The following RELCH variants were observed in gnomAD, a reference collection of about 807,000 sequenced individuals.
The protein encoded by RELCH is RAB11 binding and LisH domain, coiled-coil and HEAT repeat containing.
In RELCH, 41 loss-of-function variants were observed where a neutral mutation model predicts 150.3. That is an observed-to-expected ratio of 0.27 (90% CI 0.21 to 0.35). RELCH has a LOEUF of 0.35. Among genes scored for constraint, RELCH ranks in the 10% least tolerant of loss-of-function variants. The probability of loss-of-function intolerance (pLI) is 1.00; values close to 1 mark genes in which losing one functional copy is unlikely to be tolerated. For missense variants in RELCH, 1,092 were observed against 1,467.8 expected (o/e 0.74, Z 4.18); for synonymous variants, 478 against 531.8 (o/e 0.90, Z 1.39).
chr18:62,235,854 T>A (rs1332479182), intron 10 of RELCH, among the ~76,000 whole-genome samples: 1 of 152,022 alleles, frequency 6.6e-6, no homozygotes, highest in Admixed American at 6.6e-5. Flanking sequence ...TTTTTATGGG[T>A]TCTATGAGAT....
At chr18:62,229,404 C>T (rs543725746) in intron 8 of RELCH, among the ~76,000 whole-genome samples, 1 of 151,860 alleles carries the variant, frequency 6.6e-6, no homozygotes, top group East Asian at 1.9e-4. Context: ...TATAGGTTCC[C>T]ATTATTACTA....
At chr18:62,255,254 C>T (rs563035887) in intron 12 of RELCH, among the ~76,000 whole-genome samples, 153 bp from the exon 13 acceptor site, 2 of 152,050 alleles carry the variant, frequency 1.3e-5, no homozygotes, top group African/African-American at 2.4e-5. Flanking sequence ...CCCTCATTCC[C>T]GATCCAGGTA....
chr18:62,242,323 T>C (rs936329493), intron 10 of RELCH, among the ~76,000 whole-genome samples: 2 of 152,134 alleles, frequency 1.3e-5, no homozygotes, highest in Non-Finnish European at 2.9e-5. Context: ...TTCACAGAAA[T>C]TTAGGGTTCA....
In RELCH at chr18:62,269,858, A is replaced by G. The variant is rs549172470; in HGVS notation, c.2760+910A>G. Among the ~76,000 whole-genome samples, 184 of 152,296 alleles carry G rather than the reference A, an allele frequency of 1.2e-3. 1 individual carries two copies. The highest frequency in any genetic ancestry group is 2.1e-3 in the South Asian group (10 of 4,828). On this transcript the variant is annotated intron_variant, in intron 20 of 28. Coordinates refer to ENST00000644646, the MANE Select transcript of RELCH (RefSeq NM_001346231.2). ...ATGATGACAGGCTTTCACACACAGT[A>G]TCAGTTTGGTACTCACAAAGTTTCA...
chr18:62,238,382 C>T (rs976121114), intron 10 of RELCH, among the ~76,000 whole-genome samples: 3 of 151,912 alleles, frequency 2.0e-5, no homozygotes, highest in African/African-American at 7.2e-5. Flanking sequence ...AAACTTGAAT[C>T]TTTTGAGCCA....
intron 27 of RELCH, among the ~76,000 whole-genome samples, chr18:62,294,171 A>G (rs567067565): frequency 3.3e-5 from 5 of 152,314 alleles, no homozygotes; most frequent in Admixed American, 2.6e-4. Flanking sequence ...ACAGAATTAC[A>G]AGCATCTTAT....
chr18:62,200,206 G>A (rs1406605611), intron 1 of RELCH, among the ~76,000 whole-genome samples: 1 of 152,150 alleles, frequency 6.6e-6, no homozygotes, highest in Non-Finnish European at 1.5e-5. Flanking sequence ...CTTCTGGCTT[G>A]CTCACAGATT....
Position 62,221,075 on chromosome 18 carries a change from C to G in RELCH, c.655C>G (p.Gln219Glu). 1 of 1,613,462 alleles carries G rather than the reference C, an allele frequency of 6.2e-7. No individual in the cohort carries two copies. Among genetic ancestry groups the G allele is most frequent in the Non-Finnish European group, 8.5e-7 (1 of 1,179,620 alleles). ...FELRKAKETI[Q>E]ALRANLTKAA... is the part of the protein sequence containing the mutation. ...ACTACGGAAAGCCAAGGAGACCATTCAGGCCCTCCGAGCCAACCTGACAAA... is the reference window on the plus strand; with the variant it reads ...ACTACGGAAAGCCAAGGAGACCATTGAGGCCCTCCGAGCCAACCTGACAAA... The change falls in exon 3 of 29, where the codon CAG (glutamine) becomes GAG (glutamate). Residue 219 changes from glutamine (Q) to glutamate (E), a missense_variant. By Grantham distance (29) the Gln-to-Glu change is conservative. Transcript: ENST00000644646.
At chr18:62,268,642 G>T (rs557553151) in intron 19 of RELCH, 9 of 259,096 alleles carry the variant, frequency 3.5e-5, no homozygotes, top group African/African-American at 1.8e-4. Flanking sequence ...TCTCATTTGG[G>T]TTATTAAAAT....
At chr18:62,256,878 C>T (rs1031819478) in intron 13 of RELCH, among the ~76,000 whole-genome samples, 4 of 151,972 alleles carry the variant, frequency 2.6e-5, no homozygotes, top group Non-Finnish European at 4.4e-5. Context: ...TATTTTAGGG[C>T]AATTTTTAGC....
At position 62,282,384 on chromosome 18, in the gene RELCH, G is replaced by A; in HGVS notation, c.3193G>A (p.Glu1065Lys). The change falls in exon 25 of 29, where the codon GAG becomes AAG. Residue 1065 changes from glutamate to lysine, a missense_variant. By Grantham distance (56) the Glu-to-Lys change is moderately conservative. Coordinates refer to ENST00000644646, the MANE Select transcript of RELCH (RefSeq NM_001346231.2). ...TCAAGACCAACATTCTTTGCATACAGAGATCATAAAAACATTTGGTAGAGT... is the reference window on the plus strand; with the variant it reads ...TCAAGACCAACATTCTTTGCATACAAAGATCATAAAAACATTTGGTAGAGT... ...QYQDQHSLHT[E>K]IIKTFGRVGP... 1 of 1,612,934 alleles carries A rather than the reference G, an allele frequency of 6.2e-7. No individual in the cohort carries two copies. The highest frequency in any genetic ancestry group is 8.5e-7 in the Non-Finnish European group (1 of 1,179,526).
At chr18:62,249,586 A>G (rs1365748715) in intron 11 of RELCH, among the ~76,000 whole-genome samples, 1 of 152,096 alleles carries the variant, frequency 6.6e-6, no homozygotes, top group Non-Finnish European at 1.5e-5. Context: ...TATAGTTATT[A>G]TTACATTTTC....
intron 1 of RELCH, among the ~76,000 whole-genome samples, chr18:62,199,946 A>G (rs1177001884): frequency 7.4e-5 from 11 of 149,638 alleles, no homozygotes; most frequent in Non-Finnish European, 1.2e-4. Context: ...TAAGTGGTCA[A>G]AAAGAATGTT....
intron 1 of RELCH, among the ~76,000 whole-genome samples, chr18:62,209,534 G>A (rs1156300490): frequency 6.6e-6 from 1 of 151,708 alleles, no homozygotes; most frequent in Non-Finnish European, 1.5e-5. Flanking sequence ...TTACTCTTAA[G>A]TTTGAAATCA....
In RELCH at chr18:62,291,553, G is replaced by A; in HGVS notation, c.3381G>A (p.Glu1127=). 1 of 1,605,872 alleles carries A rather than the reference G, an allele frequency of 6.2e-7. No homozygotes were observed. Among genetic ancestry groups the A allele is most frequent in the Non-Finnish European group, 8.5e-7 (1 of 1,175,312 alleles). Residue 1127 remains glutamate, a synonymous_variant, in exon 27 of 29, where the codon GAG becomes GAA. Transcript: ENST00000644646. ...CTACCTTGTCCCAAGTCATTTCAGA[G>A]GATTTAATGGTTAATCACTTTTTAC... ...YSALSCCFIS[E]DLMVNHFLPG...
intron 20 of RELCH, among the ~76,000 whole-genome samples, chr18:62,270,482 A>G (rs1242626412): frequency 4.6e-5 from 7 of 152,188 alleles, no homozygotes; most frequent in African/African-American, 1.7e-4. Context: ...TAAGGTGGAA[A>G]TACTGACTCG....
chr18:62,307,025 G>C lies in RELCH; in HGVS notation c.*1491G>C, dbSNP rs939846664. ...GAACTAAGTAGTCTTTCTGAAAACT[G>C]TTGGGTTCTAGGCATTCCTGAGAAA... On this transcript the variant is annotated 3_prime_UTR_variant, in exon 29 of 29. Transcript: ENST00000644646. The C allele has an allele frequency of 2.0e-5, 3 of 152,564 alleles. No individual in the cohort carries two copies. The highest frequency in any genetic ancestry group is 7.2e-5 in the African/African-American group (3 of 41,466). The allele number at this position is 152,564 out of a possible 1,614,324, so 9.5% of individuals were successfully genotyped here. A position where few individuals can be genotyped will look rare whatever the true frequency, so the allele number is the denominator to read the frequency against.
chr18:62,265,371 G>A (rs1434641252), intron 18 of RELCH, among the ~76,000 whole-genome samples: 1 of 151,938 alleles, frequency 6.6e-6, no homozygotes, highest in Non-Finnish European at 1.5e-5. Context: ...TGTCACATTT[G>A]CCTATCCAGG....
rs200041484 is a variant in RELCH at position 62,252,697 on chromosome 18, G to A, written c.1767G>A (p.Ala589=). 1.1e-4 allele frequency: 172 copies of A among 1,613,890 alleles called. No homozygotes were observed. Among genetic ancestry groups the A allele is most frequent in the Middle Eastern group, 4.9e-4 (3 of 6,062 alleles). Residue 589 remains alanine, a synonymous_variant, in exon 12 of 29, where the codon GCG becomes GCA. Coordinates refer to ENST00000644646, the MANE Select transcript of RELCH (RefSeq NM_001346231.2). ...TACTGACAGGTTGTGTGGCATTTGC[G>A]CGTCATGTTGGACCAACACGTGTAG... is the stretch of plus-strand genomic sequence containing the variant. The part of the protein sequence containing the change: ...QMILTGCVAF[A]RHVGPTRVEA...
Sources: gnomAD v4.1 joint callset for allele counts (sites outside exome capture counted in the v4.1 genomes callset) on GRCh38, gnomAD v4.1.1 for gene constraint, MANE v1.5 for transcripts, NCBI Gene and HGNC (gene_info 2026-07-23, HGNC 2026-07-21) for gene names.